The following CGNL1 variants were observed in gnomAD, a reference collection of about 807,000 sequenced individuals.
CGNL1 encodes cingulin like 1, also known as cingulin-like protein 1.
Under a neutral mutation model 141.2 loss-of-function variants are expected in CGNL1, and 132 were observed. That is an observed-to-expected ratio of 0.93 (90% CI 0.81 to 1.08). CGNL1 has a LOEUF of 1.08. CGNL1 is among the 50% of genes least tolerant of loss of function. CGNL1 has a pLI of 0.00. For missense variants in CGNL1, 1,870 were observed against 1,588.6 expected, an observed-to-expected ratio of 1.18 and a Z score of -3.01; for synonymous variants, 690 against 622.1, an observed-to-expected ratio of 1.11 and a Z score of -1.63.
At chr15:57,458,341 T>G (rs1283693164) in intron 7 of CGNL1, among the ~76,000 whole-genome samples, 7 of 152,230 alleles carry the variant, frequency 4.6e-5, no homozygotes, top group African/African-American at 1.7e-4. Context: ...GTGAAGTTTA[T>G]GAAACATCGT....
intron 8 of CGNL1, among the ~76,000 whole-genome samples, chr15:57,516,441 T>G (rs1469079641): frequency 6.6e-6 from 1 of 152,182 alleles, no homozygotes; most frequent in Admixed American, 6.5e-5. Flanking sequence ...TTGGCAAACT[T>G]TTTCTATGAA....
intron 4 of CGNL1, among the ~76,000 whole-genome samples, chr15:57,444,270 G>A (rs776321960): frequency 1.7e-4 from 26 of 152,040 alleles, no homozygotes; most frequent in Non-Finnish European, 2.9e-4. Flanking sequence ...GCATGTACTC[G>A]TAGTTTTTTT....
chr15:57,389,061 C>A (rs551227706), intron 1 of CGNL1, among the ~76,000 whole-genome samples: 2 of 151,326 alleles, frequency 1.3e-5, no homozygotes, highest in South Asian at 4.2e-4. Flanking sequence ...ATTTTGGGCA[C>A]GAGGGGATGT....
chr15:57,455,106 T>G (rs756789948), intron 7 of CGNL1, among the ~76,000 whole-genome samples: 7 of 152,202 alleles, frequency 4.6e-5, no homozygotes, highest in African/African-American at 7.2e-5. Flanking sequence ...TTATTATACT[T>G]TATGCTCTTT....
intron 1 of CGNL1, chr15:57,394,105 G>GTTTTTTTTTGTTTTTTTTTTT: frequency 3.5e-5 from 1 of 28,660 alleles, no homozygotes; most frequent in Non-Finnish European, 7.8e-5. Context: ...ATTTCTGTTT[G>GTTTTTTTTTGTTTTTTTTTTT]TTTTTTTTTT....
At position 57,514,220 on chromosome 15, in the gene CGNL1, C is replaced by T. The variant is rs144536330; in HGVS notation, c.2404-2560C>T. ...AAGTTGGAGTGCAGTGGTCCCATCT[C>T]GGCTCACTGCAATCTCTGCCTCCCG... On this transcript the variant is annotated intron_variant, in intron 8 of 18. Transcript: ENST00000281282. Among the ~76,000 whole-genome samples, 10 of 152,204 alleles carry T rather than the reference C, an allele frequency of 6.6e-5. No individual in the cohort carries two copies. The East Asian group carries it at 1.9e-3, about 29-fold the overall frequency.
chr15:57,453,372 T>G (rs1275466100), intron 6 of CGNL1, among the ~76,000 whole-genome samples: 1 of 152,242 alleles, frequency 6.6e-6, no homozygotes, highest in East Asian at 1.9e-4. Flanking sequence ...TTCTGTTTCA[T>G]TTCTTTATCT....
At chr15:57,459,114 C>A (rs1375839117) in intron 7 of CGNL1, among the ~76,000 whole-genome samples, 2 of 152,176 alleles carry the variant, frequency 1.3e-5, no homozygotes, top group African/African-American at 4.8e-5. Flanking sequence ...AGCCTTGGGT[C>A]CCCCGGTGGC....
chr15:57,443,152 G>T (rs758815693), intron 4 of CGNL1, among the ~76,000 whole-genome samples: 20 of 152,190 alleles, frequency 1.3e-4, no homozygotes, highest in Non-Finnish European at 1.6e-4. Context: ...ATCAGCTGTG[G>T]TGCAGGGGAC....
rs750834021 is a variant in CGNL1 at position 57,528,850 on chromosome 15, G to A, written c.3201+35G>A. On this transcript the variant is annotated intron_variant, in intron 13 of 18. Coordinates refer to ENST00000281282, the MANE Select transcript of CGNL1 (RefSeq NM_032866.5). ...CCGTACAGTGTGAGCTGGGGGACCT[G>A]CAGAGAGCGAGGCTGGGCCACGAGA... The A allele has an allele frequency of 3.1e-6, 5 of 1,605,818 alleles. No homozygotes were observed. The South Asian group carries it at 3.3e-5, about 11-fold the overall frequency.
intron 1 of CGNL1, among the ~76,000 whole-genome samples, chr15:57,411,471 C>A (rs1301433335): frequency 2.0e-5 from 3 of 148,822 alleles, no homozygotes; most frequent in Admixed American, 1.3e-4. Context: ...TGAGACAGAG[C>A]CTTGCTCTGT....
At chr15:57,402,927 A>G (rs1314287966) in intron 1 of CGNL1, among the ~76,000 whole-genome samples, 11 of 152,332 alleles carry the variant, frequency 7.2e-5, no homozygotes, top group African/African-American at 2.4e-4. Flanking sequence ...GACAGCAGGC[A>G]GAAGACATTG....
chr15:57,488,573 T>C (rs537858024), intron 8 of CGNL1, among the ~76,000 whole-genome samples: 36 of 152,260 alleles, frequency 2.4e-4, no homozygotes, highest in African/African-American at 7.7e-4. Flanking sequence ...GACTTAGCCA[T>C]GTCATCCTTG....
intron 8 of CGNL1, among the ~76,000 whole-genome samples, chr15:57,468,338 T>A (rs1225539145): frequency 6.9e-6 from 1 of 144,910 alleles, no homozygotes; most frequent in African/African-American, 2.6e-5. Flanking sequence ...CCTCCTGGGT[T>A]CAAGCCATCC....
chr15:57,387,715 A>C (rs2062499097), intron 1 of CGNL1, among the ~76,000 whole-genome samples: 2 of 150,578 alleles, frequency 1.3e-5, no homozygotes, highest in Admixed American at 1.3e-4. Flanking sequence ...TTTAATAAAA[A>C]CCTCCCCCTG....
At chr15:57,504,171 T>C (rs1330971976) in intron 8 of CGNL1, among the ~76,000 whole-genome samples, 1 of 152,230 alleles carries the variant, frequency 6.6e-6, no homozygotes, top group East Asian at 1.9e-4. Context: ...GTCTACTCAG[T>C]GCACAGTGCA....
At chr15:57,394,547 G>A (rs1422480090) in intron 1 of CGNL1, among the ~76,000 whole-genome samples, 2 of 152,154 alleles carry the variant, frequency 1.3e-5, no homozygotes, top group East Asian at 1.9e-4. Context: ...TCAAAATCAG[G>A]CAGTTTGCTA....
At chr15:57,391,696 G>T (rs927797489) in intron 1 of CGNL1, among the ~76,000 whole-genome samples, 2 of 152,236 alleles carry the variant, frequency 1.3e-5, no homozygotes, top group African/African-American at 2.4e-5. Flanking sequence ...ATGTAAACAA[G>T]AAGTCCAAAG....
At chr15:57,494,198 A>T (rs537450388) in intron 8 of CGNL1, among the ~76,000 whole-genome samples, 62 of 152,398 alleles carry the variant, frequency 4.1e-4, no homozygotes, top group Non-Finnish European at 5.6e-4. Context: ...TATAGGTTCA[A>T]CTAGTGACTT....
Sources: gnomAD v4.1 joint callset for allele counts (sites outside exome capture counted in the v4.1 genomes callset) on GRCh38, gnomAD v4.1.1 for gene constraint, MANE v1.5 for transcripts, NCBI Gene and HGNC (gene_info 2026-07-23, HGNC 2026-07-21) for gene names.